The following B3GLCT variants were observed in gnomAD, a reference collection of about 807,000 sequenced individuals.
B3GLCT encodes the protein beta 3-glucosyltransferase.
A neutral mutation model predicts 63.4 loss-of-function variants in B3GLCT; 65 were observed. The ratio of observed to expected loss-of-function variants is 1.03; its 90% confidence interval spans 0.84 to 1.26. The LOEUF is 1.26. B3GLCT is among the 50% of genes most tolerant of loss of function. B3GLCT has a pLI of 0.00. For synonymous variants in B3GLCT, 233 were observed against 219.2 expected (o/e 1.06, Z -0.55); for missense variants, 577 against 604.8 (o/e 0.95, Z 0.48).
rs780809234 is a variant in B3GLCT, at chr13:31,245,780, A to G, written c.271-1243A>G. Among the ~76,000 whole-genome samples, 24 of 152,114 alleles carry G rather than the reference A, an allele frequency of 1.6e-4. 1 individual carries two copies. Among genetic ancestry groups the G allele is most frequent in the Non-Finnish European group, 3.4e-4 (23 of 68,006 alleles). The stretch of plus-strand genomic sequence containing the variant: ...TATGTAATCCTTCATGAATATATAT[A>G]TTTGCTGGAATTTTAAAAAGACAAT... On this transcript the variant is annotated intron_variant, in intron 4 of 14. Transcript: ENST00000343307.
At chr13:31,278,095 T>C (rs923058688) in intron 10 of B3GLCT, among the ~76,000 whole-genome samples, 1 of 152,168 alleles carries the variant, frequency 6.6e-6, no homozygotes. Context: ...GCAGGAACTG[T>C]TTGAATTGAT....
intron 10 of B3GLCT, among the ~76,000 whole-genome samples, chr13:31,277,685 G>A (rs1200239783): frequency 6.6e-6 from 1 of 151,968 alleles, no homozygotes; most frequent in Admixed American, 6.6e-5. Context: ...TTTTACAGGG[G>A]AAGATGTTTT....
At chr13:31,265,077 T>C (rs1177538556) in intron 7 of B3GLCT, among the ~76,000 whole-genome samples, 1 of 152,230 alleles carries the variant, frequency 6.6e-6, no homozygotes, top group Non-Finnish European at 1.5e-5. Flanking sequence ...GTAGATAGCC[T>C]GTTCCCAACC....
chr13:31,233,666 C>T (rs56696377), intron 4 of B3GLCT, among the ~76,000 whole-genome samples: 38 of 152,164 alleles, frequency 2.5e-4, no homozygotes, highest in African/African-American at 9.2e-4. Context: ...TACCTATGTC[C>T]AGGATATATC....
chr13:31,286,875 A>G lies in B3GLCT; in HGVS notation c.1064+56A>G, dbSNP rs563773603. 8.4e-5 allele frequency: 104 copies of G among 1,239,882 alleles called. No individual in the cohort carries two copies. The African/African-American group carries it at 1.2e-3, about 14-fold the overall frequency. The allele number at this position is 1,239,882 out of a possible 1,614,324, so 76.8% of individuals were successfully genotyped here. On this transcript the variant is annotated intron_variant, in intron 12 of 14. Coordinates refer to ENST00000343307, the MANE Select transcript of B3GLCT (RefSeq NM_194318.4). Reference sequence around the variant, plus strand: ...TAAATTCTACATATATTCATATTCAAAAAACTAGATGGGTACTTTTTCTGG... The same window carrying G: ...TAAATTCTACATATATTCATATTCAGAAAACTAGATGGGTACTTTTTCTGG...
rs560736699 is a variant in B3GLCT, at chr13:31,235,648, C to A, written c.270+6354C>A. ...AGGATGCATCCCACTCAGTGTGCTT[C>A]GTTGTTGCTGGCACCACCACTGTTA... is the stretch of plus-strand genomic sequence containing the variant. On this transcript the variant is annotated intron_variant, in intron 4 of 14. Transcript: ENST00000343307. Among the ~76,000 whole-genome samples the A allele has an allele frequency of 5.3e-5, 8 of 152,216 alleles. 1 individual carries two copies. In the East Asian group the frequency reaches 1.4e-3, roughly 26 times the overall value.
At chr13:31,200,672 C>A (rs958665044) in intron 1 of B3GLCT, among the ~76,000 whole-genome samples, 3 of 151,948 alleles carry the variant, frequency 2.0e-5, no homozygotes, top group Non-Finnish European at 2.9e-5. Context: ...CCTGTTCGAC[C>A]CCCGGGGGCG....
chr13:31,248,393 G>A (rs935050094), intron 6 of B3GLCT, among the ~76,000 whole-genome samples: 1 of 152,194 alleles, frequency 6.6e-6, no homozygotes, highest in South Asian at 2.1e-4. Flanking sequence ...AACAGACAGC[G>A]ATTCTGAACA....
chr13:31,314,273 G>A (rs1291029683), intron 12 of B3GLCT, among the ~76,000 whole-genome samples: 1 of 152,162 alleles, frequency 6.6e-6, no homozygotes, highest in Admixed American at 6.5e-5. Flanking sequence ...CCACAGAATG[G>A]TAGATCTACT....
intron 13 of B3GLCT, among the ~76,000 whole-genome samples, chr13:31,323,418 T>C (rs906698098): frequency 3.3e-5 from 5 of 152,278 alleles, no homozygotes; most frequent in African/African-American, 7.2e-5. Context: ...ACTGAACTTA[T>C]GAACCATATT....
chr13:31,262,242 AT>A (rs2137832736), intron 7 of B3GLCT, among the ~76,000 whole-genome samples: 1 of 152,318 alleles, frequency 6.6e-6, no homozygotes, highest in South Asian at 2.1e-4. Flanking sequence ...CTTTCCAGTA[AT>A]TCCATGAGCC....
intron 12 of B3GLCT, among the ~76,000 whole-genome samples, chr13:31,299,201 T>G (rs564210323): frequency 1.3e-5 from 2 of 152,324 alleles, no homozygotes; most frequent in African/African-American, 4.8e-5. Flanking sequence ...CACACACTCT[T>G]GAAGGCATGT....
chr13:31,242,008 A>G (rs995119426), intron 4 of B3GLCT, among the ~76,000 whole-genome samples: 5 of 152,222 alleles, frequency 3.3e-5, no homozygotes, highest in Non-Finnish European at 7.3e-5. Context: ...ATATTGGTAC[A>G]CTATGCTATG....
chr13:31,225,609 G>T lies in B3GLCT; in HGVS notation c.160+2618G>T, dbSNP rs537198183. On this transcript the variant is annotated intron_variant, in intron 3 of 14. Transcript: ENST00000343307. ...GCATTCATTATGATCAGGGTTGCAG[G>T]AGCTCCCCTCCCCTTTAGCCTTGTC... Among the ~76,000 whole-genome samples, 4 of 152,252 alleles carry T rather than the reference G, an allele frequency of 2.6e-5. No individual in the cohort carries two copies. The South Asian group carries it at 8.3e-4, about 32-fold the overall frequency.
chr13:31,292,642 G>C (rs1346123932), intron 12 of B3GLCT, among the ~76,000 whole-genome samples: 1 of 151,568 alleles, frequency 6.6e-6, no homozygotes, highest in Non-Finnish European at 1.5e-5. Context: ...TATTTCTGTG[G>C]GATCAGTGGT....
chr13:31,276,790 AT>A lies in B3GLCT; in HGVS notation c.850+23del. ...GACAGAAGTATGTTTTGGGTTATTC[AT>A]TTTATTGAACGCTAAAATCCAGACT... On this transcript the variant is annotated intron_variant, in intron 10 of 14. Transcript: ENST00000343307. 6.3e-7 allele frequency: 1 copy of A among 1,575,666 alleles called. No homozygotes were observed. Among genetic ancestry groups the A allele is most frequent in the Non-Finnish European group, 8.7e-7 (1 of 1,145,196 alleles).
intron 12 of B3GLCT, among the ~76,000 whole-genome samples, chr13:31,290,675 T>C (rs1873610150): frequency 6.6e-6 from 1 of 152,256 alleles, no homozygotes. Context: ...GAAGCGTCTG[T>C]TCATATCCTT....
At chr13:31,226,717 A>G (rs1425036585) in intron 3 of B3GLCT, among the ~76,000 whole-genome samples, 1 of 152,146 alleles carries the variant, frequency 6.6e-6, no homozygotes, top group African/African-American at 2.4e-5. Context: ...CTTCAGGTGC[A>G]TGCCACCATG....
chr13:31,258,586 G>C (rs1389953772), intron 6 of B3GLCT, among the ~76,000 whole-genome samples: 1 of 151,992 alleles, frequency 6.6e-6, no homozygotes, highest in Non-Finnish European at 1.5e-5. Flanking sequence ...CTGTACAAAT[G>C]CTCCACCATT....
Sources: allele counts gnomAD v4.1 joint callset (sites outside exome capture counted in the v4.1 genomes callset), GRCh38; gene constraint gnomAD v4.1.1; transcripts MANE v1.5; gene names NCBI Gene and HGNC (gene_info 2026-07-23, HGNC 2026-07-21).